The following HS1BP3 variants were observed in gnomAD, a reference collection of about 807,000 sequenced individuals.
HS1BP3 encodes HCLS1 binding protein 3, also known as HCLS1-binding protein 3.
Under a neutral mutation model 33.5 loss-of-function variants are expected in HS1BP3, and 32 were observed. The ratio of observed to expected loss-of-function variants is 0.95; its 90% CI spans 0.72 to 1.28. HS1BP3 has a LOEUF of 1.28. Ranked by LOEUF, HS1BP3 falls within the 50% of genes most tolerant of loss-of-function variation. The probability of loss-of-function intolerance (pLI) is 0.00; values close to 1 mark genes in which losing one functional copy is unlikely to be tolerated. For missense variants in HS1BP3, 486 were observed against 502.3 expected, an observed-to-expected ratio of 0.97 and a Z score of 0.31; for synonymous variants, 187 against 209.2, an observed-to-expected ratio of 0.89 and a Z score of 0.92.
intron 1 of HS1BP3, among the ~76,000 whole-genome samples, chr2:20,648,421 C>A (rs1010675795): frequency 6.6e-6 from 1 of 152,176 alleles, no homozygotes; most frequent in Non-Finnish European, 1.5e-5. Flanking sequence ...AAAGGTGAAT[C>A]CTCATTTCTC....
the HS1BP3 span, among the ~76,000 whole-genome samples, chr2:20,554,616 G>A: frequency 0.55 from 83,035 of 151,152 alleles, 23,117 homozygotes; most frequent in Non-Finnish European, 0.58. Context: ...CAGCTACTTG[G>A]GAGGCTGAGG....
At chr2:20,577,647 G>A (rs1031312162) in intron 5 of HS1BP3, among the ~76,000 whole-genome samples, 1 of 152,154 alleles carries the variant, frequency 6.6e-6, no homozygotes, top group Non-Finnish European at 1.5e-5. Context: ...GTCTGTGGCT[G>A]CAGCCTGGGA....
chr2:20,586,314 C>T (rs1165727499), intron 5 of HS1BP3: 1 of 152,226 alleles, frequency 6.6e-6, no homozygotes. Flanking sequence ...AGCACAGCCA[C>T]CTTGAAGCTG....
At chr2:20,649,684 G>T (rs1695627397) in intron 1 of HS1BP3, among the ~76,000 whole-genome samples, 1 of 152,218 alleles carries the variant, frequency 6.6e-6, no homozygotes, top group African/African-American at 2.4e-5. Flanking sequence ...AAGAGGAGCT[G>T]GGGTGCGACT....
At chr2:20,613,788 G>A (rs139596834), downstream of HS1BP3, among the ~76,000 whole-genome samples, 4 of 152,354 alleles carry the variant, frequency 2.6e-5, no homozygotes, top group East Asian at 7.7e-4. Flanking sequence ...AACACACAGA[G>A]TACACAGGGA....
At chr2:20,590,419 G>A (rs1693784151), downstream of HS1BP3, among the ~76,000 whole-genome samples, 1 of 152,204 alleles carries the variant, frequency 6.6e-6, no homozygotes, top group Admixed American at 6.5e-5. Flanking sequence ...TCTCAGGGCT[G>A]TCCTTCTCTG....
intron 5 of HS1BP3, among the ~76,000 whole-genome samples, chr2:20,562,428 A>ATG (rs1462950135): frequency 1.4e-4 from 22 of 152,208 alleles, no homozygotes; most frequent in African/African-American, 5.3e-4. Context: ...GTAGTGAGCT[A>ATG]TGATCACTCC....
intron 1 of HS1BP3, among the ~76,000 whole-genome samples, chr2:20,650,100 A>G (rs1428347286): frequency 1.3e-5 from 2 of 152,172 alleles, no homozygotes; most frequent in Admixed American, 1.3e-4. Context: ...ATGAAAGACC[A>G]AGCAGCCTCC....
chr2:20,621,523 C>T (rs763826424), intron 6 of HS1BP3, among the ~76,000 whole-genome samples: 6 of 152,342 alleles, frequency 3.9e-5, no homozygotes, highest in Admixed American at 2.0e-4. Flanking sequence ...TCAGATGTTC[C>T]GGAGCTCCCT....
chr2:20,575,828 T>G (rs959113859), intron 5 of HS1BP3, among the ~76,000 whole-genome samples: 5 of 151,472 alleles, frequency 3.3e-5, no homozygotes, highest in African/African-American at 1.2e-4. Context: ...TAATTTACAA[T>G]GTGAGTGACT....
chr2:20,562,330 T>C (rs1693019666), intron 5 of HS1BP3, among the ~76,000 whole-genome samples: 1 of 151,986 alleles, frequency 6.6e-6, no homozygotes. Flanking sequence ...ATAAACAAAA[T>C]TAGCCAGCTG....
At chr2:20,567,610 C>T (rs778085807) in intron 5 of HS1BP3, among the ~76,000 whole-genome samples, 13 of 152,188 alleles carry the variant, frequency 8.5e-5, no homozygotes, top group East Asian at 1.9e-4. Flanking sequence ...ACACAGCCCC[C>T]GGCCACTAGG....
At chr2:20,581,624 A>G (rs1047601924) in intron 5 of HS1BP3, among the ~76,000 whole-genome samples, 1 of 152,226 alleles carries the variant, frequency 6.6e-6, no homozygotes, top group Admixed American at 6.5e-5. Flanking sequence ...TGCTGGGATT[A>G]CAGGCATGAG....
chr2:20,590,072 G>A (rs1161080198), downstream of HS1BP3, among the ~76,000 whole-genome samples: 4 of 152,248 alleles, frequency 2.6e-5, no homozygotes, highest in East Asian at 1.9e-4. Context: ...GAGACCACCC[G>A]GTCTCAGCAG....
chr2:20,570,368 T>C (rs931190405), intron 5 of HS1BP3, among the ~76,000 whole-genome samples: 1 of 152,176 alleles, frequency 6.6e-6, no homozygotes, highest in Non-Finnish European at 1.5e-5. Flanking sequence ...GAACTTGAGC[T>C]CTTGGGCTCA....
intron 2 of HS1BP3, among the ~76,000 whole-genome samples, chr2:20,600,779 G>A (rs1038071718): frequency 2.6e-5 from 4 of 152,142 alleles, no homozygotes; most frequent in Non-Finnish European, 4.4e-5. Flanking sequence ...TGAAAAATGA[G>A]ATTGTGTGTA....
intron 4 of HS1BP3, among the ~76,000 whole-genome samples, chr2:20,627,516 G>A (rs13430232): frequency 6.6e-6 from 1 of 152,258 alleles, no homozygotes; most frequent in South Asian, 2.1e-4. Flanking sequence ...CACCTGGTCT[G>A]GACAGCACAC....
At position 20,618,946 on chromosome 2, in the gene HS1BP3, CCA is replaced by C. The variant is rs775828751; in HGVS notation, c.*39_*40del. Reference sequence around the variant, plus strand: ...GTCCCTTCCCTTCACACCGATGTCCCCACAGACAGGCCTGCTGGGCCAGGGGC... The same window carrying C: ...GTCCCTTCCCTTCACACCGATGTCCCCAGACAGGCCTGCTGGGCCAGGGGC... On this transcript the variant is annotated 3_prime_UTR_variant, in exon 7 of 7. Transcript: ENST00000304031. 2.7e-5 allele frequency: 43 copies of C among 1,591,414 alleles called. No individual in the cohort carries two copies. The highest frequency in any genetic ancestry group is 3.4e-5 in the Non-Finnish European group (40 of 1,166,974).
At chr2:20,558,760 A>G (rs1449398994), downstream of HS1BP3, among the ~76,000 whole-genome samples, 3 of 152,154 alleles carry the variant, frequency 2.0e-5, no homozygotes, top group African/African-American at 4.8e-5. Context: ...AGATGGTTAC[A>G]GGGCCCCAGA....
Sources: allele counts gnomAD v4.1 joint callset (sites outside exome capture counted in the v4.1 genomes callset), GRCh38; gene constraint gnomAD v4.1.1; transcripts MANE v1.5; gene names NCBI Gene and HGNC (gene_info 2026-07-23, HGNC 2026-07-21).